Variants in ROR1 observed in about 807,000 individuals in gnomAD.
The protein encoded by ROR1 is inactive tyrosine-protein kinase transmembrane receptor ROR1.
Under a neutral mutation model 78.8 loss-of-function variants are expected in ROR1, and 19 were observed. That is an observed-to-expected ratio of 0.24 (90% CI 0.17 to 0.35). The LOEUF (loss-of-function observed/expected upper bound fraction) is 0.35. Among genes scored for constraint, ROR1 ranks in the 10% least tolerant of loss-of-function variants. The probability of loss-of-function intolerance (pLI) is 1.00; values close to 1 mark genes in which losing one functional copy is unlikely to be tolerated. For missense variants in ROR1, 917 were observed against 1,177.8 expected (o/e 0.78, Z 3.24); for synonymous variants, 386 against 433.6 (o/e 0.89, Z 1.36).
chr1:64,076,895 T>A (rs1647054493), intron 4 of ROR1, among the ~76,000 whole-genome samples: 1 of 152,234 alleles, frequency 6.6e-6, no homozygotes, highest in Non-Finnish European at 1.5e-5. Context: ...GTTACTTTTT[T>A]ACTTAGCTAT....
intron 4 of ROR1, among the ~76,000 whole-genome samples, chr1:64,112,519 A>G (rs150939901): frequency 6.6e-6 from 1 of 152,140 alleles, no homozygotes; most frequent in Non-Finnish European, 1.5e-5. Context: ...TGACTCATAG[A>G]GCCCTAACAG....
intron 1 of ROR1, among the ~76,000 whole-genome samples, chr1:63,837,696 C>G (rs1569794603): frequency 1.3e-5 from 2 of 152,152 alleles, no homozygotes; most frequent in African/African-American, 4.8e-5. Context: ...TGGCGTGTTC[C>G]TGTAGTCCCA....
chr1:63,993,517 G>A (rs146821514), intron 1 of ROR1, among the ~76,000 whole-genome samples: 3 of 152,248 alleles, frequency 2.0e-5, no homozygotes, highest in Non-Finnish European at 2.9e-5. Context: ...ATACATGTAA[G>A]AGTATGCATA....
intron 1 of ROR1, among the ~76,000 whole-genome samples, chr1:63,913,795 C>T (rs1053890225): frequency 2.0e-5 from 3 of 152,144 alleles, no homozygotes; most frequent in South Asian, 2.1e-4. Context: ...ATAATAAACT[C>T]GGGAGGATGG....
intron 4 of ROR1, among the ~76,000 whole-genome samples, chr1:64,057,125 A>G (rs1194131163): frequency 6.6e-6 from 1 of 152,114 alleles, no homozygotes; most frequent in Non-Finnish European, 1.5e-5. Flanking sequence ...GTTTTTATTT[A>G]CAGTTTTAGC....
chr1:64,009,160 T>G, intron 1 of ROR1, 145 bp from the exon 2 acceptor site: 1 of 647,472 alleles, frequency 1.5e-6, no homozygotes, highest in Non-Finnish European at 2.8e-6. Context: ...GAGCCACCAT[T>G]CCAGTCTAAT....
At position 64,051,455 on chromosome 1, in the gene ROR1, T is replaced by TAA. The variant is rs369511325; in HGVS notation, c.482+744_482+745dup. Among the ~76,000 whole-genome samples the TAA allele has an allele frequency of 2.1e-3, 82 of 39,250 alleles. 2 individuals are homozygous for TAA. Among genetic ancestry groups the TAA allele is most frequent in the African/African-American group, 3.9e-3 (77 of 19,622 alleles). The allele number at this position is 39,250 out of a possible 152,430, so 25.7% of individuals were successfully genotyped here. A position where few individuals can be genotyped will look rare whatever the true frequency, so the allele number is the denominator to read the frequency against. ...GCAGAGTGAGACTCCGTCTCAAAAA[T>TAA]AAAAAATAAAATAAAATAAAATAAA... On this transcript the variant is annotated intron_variant, in intron 4 of 8. Coordinates refer to ENST00000371079, the MANE Select transcript of ROR1 (RefSeq NM_005012.4).
At chr1:63,944,463 G>A (rs543516924) in intron 1 of ROR1, among the ~76,000 whole-genome samples, 1 of 152,120 alleles carries the variant, frequency 6.6e-6, no homozygotes, top group Non-Finnish European at 1.5e-5. Context: ...TTCATTTTAA[G>A]CCCTTGCCTT....
At chr1:64,095,932 G>A (rs893060246) in intron 4 of ROR1, among the ~76,000 whole-genome samples, 2 of 152,140 alleles carry the variant, frequency 1.3e-5, no homozygotes, top group African/African-American at 2.4e-5. Context: ...TTAGTCCTTA[G>A]ATCTTTTAGC....
At chr1:63,906,494 A>G (rs977843498) in intron 1 of ROR1, among the ~76,000 whole-genome samples, 3 of 152,164 alleles carry the variant, frequency 2.0e-5, no homozygotes, top group Admixed American at 2.0e-4. Flanking sequence ...TCTTCAATGC[A>G]AATCCAGCTG....
At chr1:63,834,420 A>G (rs2100303393) in intron 1 of ROR1, among the ~76,000 whole-genome samples, 1 of 151,776 alleles carries the variant, frequency 6.6e-6, no homozygotes, top group Admixed American at 6.6e-5. Context: ...GAAGATGTTC[A>G]AACATATTTG....
At position 63,913,888 on chromosome 1, in the gene ROR1, C is replaced by T. The variant is rs562413413; in HGVS notation, c.92-95417C>T. Among the ~76,000 whole-genome samples the T allele has an allele frequency of 1.4e-4, 21 of 152,268 alleles. No individual in the cohort carries two copies. In the Middle Eastern group the frequency reaches 0.017, roughly 123 times the overall value. On this transcript the variant is annotated intron_variant, in intron 1 of 8. Coordinates refer to ENST00000371079, the MANE Select transcript of ROR1 (RefSeq NM_005012.4). ...CTTTATTGTCTGCAGTTTAAAACGC[C>T]GTCCTCACACGGTGGCTCTGTGAAT...
intron 1 of ROR1, among the ~76,000 whole-genome samples, chr1:63,841,987 A>C (rs1426351564): frequency 6.6e-6 from 1 of 152,122 alleles, no homozygotes; most frequent in Non-Finnish European, 1.5e-5. Context: ...AGCACCCACT[A>C]TGCCTCATTA....
At chr1:63,941,357 G>A (rs1645838524) in intron 1 of ROR1, among the ~76,000 whole-genome samples, 1 of 152,186 alleles carries the variant, frequency 6.6e-6, no homozygotes, top group East Asian at 1.9e-4. Context: ...CAGCTGTGCT[G>A]AAATGTTGAA....
chr1:64,012,317 T>C (rs1375209649), intron 2 of ROR1, among the ~76,000 whole-genome samples: 1 of 152,164 alleles, frequency 6.6e-6, no homozygotes. Flanking sequence ...CAGAAATCTA[T>C]GAAGCACCTT....
intron 1 of ROR1, among the ~76,000 whole-genome samples, chr1:63,975,066 C>CAT (rs1646148231): frequency 1.3e-5 from 2 of 152,144 alleles, no homozygotes; most frequent in African/African-American, 2.4e-5. Context: ...ACAGTCAGAG[C>CAT]ATAGATTAAA....
chr1:64,059,921 G>A (rs1213573620), intron 4 of ROR1, among the ~76,000 whole-genome samples: 1 of 152,004 alleles, frequency 6.6e-6, no homozygotes, highest in Non-Finnish European at 1.5e-5. Context: ...TAGTTTTCAC[G>A]GTTACCACAG....
At chr1:64,071,369 T>C (rs1224775488) in intron 4 of ROR1, among the ~76,000 whole-genome samples, 3 of 152,146 alleles carry the variant, frequency 2.0e-5, no homozygotes, top group Non-Finnish European at 2.9e-5. Flanking sequence ...AAATAGGTGG[T>C]TTGATGACTT....
intron 8 of ROR1, among the ~76,000 whole-genome samples, chr1:64,165,221 T>C (rs1650053274): frequency 1.3e-5 from 2 of 152,244 alleles, no homozygotes; most frequent in African/African-American, 4.8e-5. Context: ...TGTATAAGCG[T>C]TCCTTTTTCT....
Sources: gnomAD v4.1 joint callset for allele counts (sites outside exome capture counted in the v4.1 genomes callset) on GRCh38, gnomAD v4.1.1 for gene constraint, MANE v1.5 for transcripts, NCBI Gene and HGNC (gene_info 2026-07-23, HGNC 2026-07-21) for gene names.